The following PPFIA1 variants were observed in gnomAD, a reference collection of about 807,000 sequenced individuals.
The protein encoded by PPFIA1 is PPFI scaffold protein A1, also known as liprin-alpha-1.
A neutral mutation model predicts 149.9 loss-of-function variants in PPFIA1; 25 were observed. The observed-to-expected ratio is 0.17, with a 90% CI of 0.12 to 0.23. The LOEUF (loss-of-function observed/expected upper bound fraction) is 0.23, where lower values mean the gene tolerates loss of function less well. PPFIA1 is among the 10% of genes least tolerant of loss of function. PPFIA1 has a pLI of 1.00. For missense variants in PPFIA1, 1,362 were observed against 1,506.5 expected (o/e 0.90, Z 1.59); for synonymous variants, 549 against 552.8 (o/e 0.99, Z 0.10).
intron 26 of PPFIA1, chr11:70,378,696 A>G (rs1446884824): frequency 6.3e-6 from 1 of 157,924 alleles, no homozygotes; most frequent in African/African-American, 2.4e-5. Context: ...TCACATGTCT[A>G]CCCATTAGAG....
chr11:70,279,056 A>G (rs2050581930), intron 2 of PPFIA1: 3 of 522,504 alleles, frequency 5.7e-6, no homozygotes, highest in African/African-American at 3.9e-5. Flanking sequence ...GAGGGGTAGT[A>G]TGCTTTACTG....
chr11:70,355,066 G>A (rs7130360), intron 17 of PPFIA1, among the ~76,000 whole-genome samples: 18,770 of 151,922 alleles, frequency 0.12, 1,272 homozygotes, highest in Admixed American at 0.18. Flanking sequence ...CACCATGCCC[G>A]GCTAATTTTT....
At chr11:70,332,389 A>G (rs1205015922) in intron 9 of PPFIA1, among the ~76,000 whole-genome samples, 2 of 152,338 alleles carry the variant, frequency 1.3e-5, no homozygotes, top group East Asian at 3.9e-4. Context: ...AGCATAGGAT[A>G]GAAGTCTCTG....
chr11:70,340,145 A>AG (rs1439716401), intron 14 of PPFIA1, among the ~76,000 whole-genome samples: 2 of 152,006 alleles, frequency 1.3e-5, no homozygotes, highest in African/African-American at 4.8e-5. Context: ...TTAAAAAAAA[A>AG]AAAAAGAAAA....
chr11:70,341,950 G>T (rs893574052), intron 14 of PPFIA1: 1 of 152,520 alleles, frequency 6.6e-6, no homozygotes, highest in Non-Finnish European at 1.5e-5. Flanking sequence ...GAATAGTCCC[G>T]CTGGCAGGGA....
chr11:70,297,804 G>T (rs1398781616), intron 2 of PPFIA1, among the ~76,000 whole-genome samples: 2 of 152,204 alleles, frequency 1.3e-5, no homozygotes, highest in South Asian at 2.1e-4. Flanking sequence ...TGCAGGAGAG[G>T]CTGGGAGAGC....
chr11:70,285,066 G>T (rs2051017350), intron 2 of PPFIA1, among the ~76,000 whole-genome samples: 1 of 152,078 alleles, frequency 6.6e-6, no homozygotes, highest in Non-Finnish European at 1.5e-5. Context: ...TAGTGCACTG[G>T]CATGATCTCG....
chr11:70,344,491 C>A (rs2055558191), intron 15 of PPFIA1, among the ~76,000 whole-genome samples: 1 of 152,220 alleles, frequency 6.6e-6, no homozygotes. Flanking sequence ...CTCTTCTGGT[C>A]TTAGTGTCCC....
At chr11:70,273,302 C>T (rs1290120529) in intron 2 of PPFIA1, among the ~76,000 whole-genome samples, 1 of 152,054 alleles carries the variant, frequency 6.6e-6, no homozygotes, top group Admixed American at 6.6e-5. Context: ...GAAATTGTTT[C>T]TCTGAGTATG....
Position 70,324,627 on chromosome 11 carries a change from C to G in PPFIA1, c.366+124C>G, listed in dbSNP as rs1040152360. ...GAAATACTTTTCATACCTTTTCCCACTGAGCAGACTGTGATTAGTCAGCAT... is the reference window on the plus strand; with the variant it reads ...GAAATACTTTTCATACCTTTTCCCAGTGAGCAGACTGTGATTAGTCAGCAT... On this transcript the variant is annotated intron_variant, in intron 3 of 27. Coordinates refer to ENST00000253925, the MANE Select transcript of PPFIA1 (RefSeq NM_003626.5). 4.9e-5 allele frequency: 45 copies of G among 921,882 alleles called. No individual in the cohort carries two copies. The African/African-American group carries it at 7.0e-4, about 14-fold the overall frequency. The allele number at this position is 921,882 out of a possible 1,614,324, so 57.1% of individuals were successfully genotyped here.
chr11:70,297,464 G>A (rs1591104943), intron 2 of PPFIA1, among the ~76,000 whole-genome samples: 1 of 152,232 alleles, frequency 6.6e-6, no homozygotes, highest in South Asian at 2.1e-4. Context: ...AACATATGGT[G>A]TCCACAGTAA....
intron 23 of PPFIA1, chr11:70,374,592 T>C (rs1202754801): frequency 1.4e-4 from 37 of 257,322 alleles, no homozygotes; most frequent in Non-Finnish European, 2.2e-4. Context: ...TTATACATGT[T>C]AGGTATTCAA....
chr11:70,338,375 A>G lies in PPFIA1; in HGVS notation c.1493A>G (p.Asp498Gly), dbSNP rs1264924750. The G allele has an allele frequency of 4.3e-6, 7 of 1,610,660 alleles. No individual in the cohort carries two copies. In the South Asian group the frequency reaches 5.5e-5, roughly 13 times the overall value. ...TGTAAGTCTTTTGCTTTTCTGTAGG[A>G]TCAGCTTGTCCTAAACATTGAAGCA... ...KQLEETQHDK[D>G]QLVLNIEALR... Residue 498 changes from aspartate to glycine, a missense_variant and splice_region_variant, in exon 13 of 28, where the codon GAT (aspartate) becomes GGT (glycine). Around this residue, in one of 7 missense-constraint regions of PPFIA1, gnomAD observed 733 missense variants for 744.1 expected, o/e 0.99. Coordinates refer to ENST00000253925, the MANE Select transcript of PPFIA1 (RefSeq NM_003626.5).
At chr11:70,298,191 C>T (rs111995317) in intron 2 of PPFIA1, among the ~76,000 whole-genome samples, 1,577 of 152,304 alleles carry the variant, frequency 0.01, 34 homozygotes, top group African/African-American at 0.036. Context: ...ACTTTTATTC[C>T]TGTTCCTGAT....
chr11:70,308,656 G>A (rs1378173576), intron 2 of PPFIA1, among the ~76,000 whole-genome samples: 2 of 152,126 alleles, frequency 1.3e-5, no homozygotes, highest in East Asian at 3.8e-4. Context: ...CAGAGGCTGG[G>A]CGCAGTGGCT....
chr11:70,365,627 C>T (rs140452264), intron 21 of PPFIA1: 34 of 357,066 alleles, frequency 9.5e-5, no homozygotes, highest in African/African-American at 6.8e-4. Flanking sequence ...CCAGGAACTT[C>T]AAGTTGGTAG....
intron 15 of PPFIA1, among the ~76,000 whole-genome samples, chr11:70,347,889 G>A (rs2055812251): frequency 6.6e-6 from 1 of 152,158 alleles, no homozygotes; most frequent in Non-Finnish European, 1.5e-5. Context: ...TGTAATCCCA[G>A]CTACTCAGGA....
chr11:70,375,215 A>C, intron 24 of PPFIA1, 122 bp downstream of exon 24: 4 of 282,722 alleles, frequency 1.4e-5, no homozygotes, highest in Non-Finnish European at 1.0e-5. Context: ...TCAGACAACT[A>C]GTTTTTGGTT....
intron 15 of PPFIA1, among the ~76,000 whole-genome samples, chr11:70,347,870 G>A (rs928613080): frequency 6.6e-6 from 1 of 152,086 alleles, no homozygotes; most frequent in African/African-American, 2.4e-5. Flanking sequence ...GGGCATGGTG[G>A]CACGCGCCTG....
Sources: allele counts gnomAD v4.1 joint callset (sites outside exome capture counted in the v4.1 genomes callset), GRCh38; gene constraint gnomAD v4.1.1; regional missense constraint gnomAD v4.1.1; transcripts MANE v1.5; gene names NCBI Gene and HGNC (gene_info 2026-07-23, HGNC 2026-07-21).